The following LRRC43 variants were observed in gnomAD, a reference collection of about 807,000 sequenced individuals.
LRRC43 encodes leucine-rich repeat-containing protein 43.
In LRRC43, 62 loss-of-function variants were observed where a neutral mutation model predicts 64.3. The observed-to-expected ratio is 0.96, with a 90% CI of 0.79 to 1.19. LRRC43 has a LOEUF of 1.19. Ranked by LOEUF, LRRC43 falls within the 50% of genes most tolerant of loss-of-function variation. The probability of loss-of-function intolerance (pLI) is 0.00; values close to 1 mark genes in which losing one functional copy is unlikely to be tolerated. For missense variants in LRRC43, 868 were observed against 845.0 expected (o/e 1.03, Z -0.34); for synonymous variants, 422 against 382.3 (o/e 1.10, Z -1.21).
chr12:122,203,270 C>T, intron 11 of LRRC43, 45 bp from the exon 12 acceptor site: 2 of 1,596,458 alleles, frequency 1.3e-6, no homozygotes, highest in Non-Finnish European at 8.5e-7. Context: ...AGAACGCCAG[C>T]CCATCCGTCT....
chr12:122,199,359 T>C (rs1284981289), intron 7 of LRRC43, among the ~76,000 whole-genome samples: 5 of 143,862 alleles, frequency 3.5e-5, no homozygotes. Context: ...CTCAGCTCAC[T>C]GCAACCTCCA....
At chr12:122,194,566 CA>C (rs558202112) in intron 7 of LRRC43, among the ~76,000 whole-genome samples, 2,367 of 93,660 alleles carry the variant, frequency 0.025, 49 homozygotes, top group African/African-American at 0.075. Flanking sequence ...AGCTCCGTCT[CA>C]AAAAAAAAAA....
chr12:122,176,644 T>G (rs531527495), intron 1 of LRRC43, among the ~76,000 whole-genome samples: 274 of 151,790 alleles, frequency 1.8e-3, no homozygotes, highest in Non-Finnish European at 2.9e-3. Flanking sequence ...ACTTTATTTA[T>G]TAGTAGTAGT....
chr12:122,196,838 A>G (rs1953777331), intron 7 of LRRC43, among the ~76,000 whole-genome samples: 1 of 152,158 alleles, frequency 6.6e-6, no homozygotes, highest in African/African-American at 2.4e-5. Flanking sequence ...TACATATGTT[A>G]ATGTCACAAG....
At chr12:122,172,453 G>A (rs983676068) in intron 1 of LRRC43, 2 of 1,614,164 alleles carry the variant, frequency 1.2e-6, no homozygotes, top group Non-Finnish European at 1.7e-6. Flanking sequence ...AATGATTTTA[G>A]TGCGAGGTCC....
chr12:122,201,286 T>C lies in LRRC43; in HGVS notation c.1810-10T>C, dbSNP rs2136065606. On this transcript the variant is annotated splice_polypyrimidine_tract_variant and intron_variant, in intron 10 of 11. Transcript: ENST00000339777. ...CAGTAAGCATCTCGTTTTGTGGTTC[T>C]TTCTCTCAGGATTCAAAGAAGATTA... 6.2e-7 allele frequency: 1 copy of C among 1,614,016 alleles called. No individual in the cohort carries two copies. Among genetic ancestry groups the C allele is most frequent in the South Asian group, 1.1e-5 (1 of 91,084 alleles).
At chr12:122,177,690 C>T (rs1002469499) in intron 1 of LRRC43, among the ~76,000 whole-genome samples, 5 of 150,842 alleles carry the variant, frequency 3.3e-5, no homozygotes, top group South Asian at 2.1e-4. Context: ...TTTTTTGTAG[C>T]GATGGGATCT....
chr12:122,200,589 G>A lies in LRRC43; in HGVS notation c.1549G>A (p.Gly517Arg), dbSNP rs1593155545. The change falls in exon 9 of 12, where the codon GGA (glycine) becomes AGA (arginine). Residue 517 changes from glycine to arginine, a missense_variant. Gly to Arg is a moderately radical substitution (Grantham distance 125). Transcript: ENST00000339777. The surrounding 1 kb of genome is among the most constrained non-coding windows in gnomAD (Gnocchi z 4.6). ...TGACAGTCCCCTGTCTGCCAAGAAAGGAAAGGGGGAGAAAGACAAGAAAGG... is the reference window on the plus strand; with the variant it reads ...TGACAGTCCCCTGTCTGCCAAGAAAAGAAAGGGGGAGAAAGACAAGAAAGG... ...AVDSPLSAKK[G>R]KGEKDKKGKE... 1 of 1,534,858 alleles carries A rather than the reference G, an allele frequency of 6.5e-7. No individual in the cohort carries two copies. Among genetic ancestry groups the A allele is most frequent in the Non-Finnish European group, 9.0e-7 (1 of 1,108,444 alleles).
chr12:122,190,395 G>C (rs1953703999), intron 5 of LRRC43, 27 bp downstream of exon 5: 1 of 1,580,094 alleles, frequency 6.3e-7, no homozygotes, highest in South Asian at 1.1e-5. Flanking sequence ...GCAGGGAGGG[G>C]GTGGCATGTG....
intron 1 of LRRC43, among the ~76,000 whole-genome samples, chr12:122,173,499 C>G (rs1018932708): frequency 6.6e-6 from 1 of 152,172 alleles, no homozygotes; most frequent in Non-Finnish European, 1.5e-5. Flanking sequence ...GCCTGGCCAA[C>G]GTGGAGAAAC....
At chr12:122,173,564 G>T (rs991688620) in intron 1 of LRRC43, among the ~76,000 whole-genome samples, 22 of 151,940 alleles carry the variant, frequency 1.4e-4, no homozygotes, top group Non-Finnish European at 2.6e-4. Flanking sequence ...CATGCCTGTA[G>T]TCCCAGCTAC....
upstream of LRRC43, among the ~76,000 whole-genome samples, chr12:122,182,817 G>A (rs1382851349): frequency 6.6e-6 from 1 of 152,212 alleles, no homozygotes; most frequent in Non-Finnish European, 1.5e-5. Flanking sequence ...CCACTGGCTG[G>A]TTGGAGTCGA....
chr12:122,183,171 CGAGTCCGAGTCT>C lies in LRRC43; in HGVS notation c.31_42del (p.Ser11_Glu14del). The C allele has an allele frequency of 6.4e-7, 1 of 1,553,784 alleles. No homozygotes were observed. Among genetic ancestry groups the C allele is most frequent in the Non-Finnish European group, 8.6e-7 (1 of 1,156,894 alleles). The stretch of plus-strand genomic sequence containing the variant: ...TGGAGGCGTCGTACGAGTCCGAGTC[CGAGTCCGAGTCT>C]GAGGCCGGGCCTGGGACTCAGCGGC... On this transcript the variant is annotated inframe_deletion, in exon 1 of 12. Transcript: ENST00000339777.
At chr12:122,198,487 T>C (rs956768490) in intron 7 of LRRC43, among the ~76,000 whole-genome samples, 1 of 152,146 alleles carries the variant, frequency 6.6e-6, no homozygotes, top group African/African-American at 2.4e-5. Flanking sequence ...TCTGTCTCTG[T>C]GGATTTGCCT....
rs746323946 is a variant in LRRC43, at chr12:122,184,721, C to A, written c.353C>A (p.Thr118Lys). Residue 118 changes from threonine (T) to lysine (K), a missense_variant, in exon 2 of 12, where the codon ACG (threonine) becomes AAG (lysine). By Grantham distance (78) the Thr-to-Lys change is moderately conservative. Transcript: ENST00000339777. The surrounding 1 kb of genome is among the most constrained non-coding windows in gnomAD (Gnocchi z 4.0). ...GAATTGGCCATCCGGAACCCGCTGA[C>A]GATCACAGACACCTTCTTCTACTCC... ...LRELAIRNPL[T>K]ITDTFFYSYF... 1.9e-6 allele frequency: 3 copies of A among 1,613,618 alleles called. No individual in the cohort carries two copies. Among genetic ancestry groups the A allele is most frequent in the Middle Eastern group, 1.6e-4 (1 of 6,062 alleles).
At chr12:122,171,193 A>G (rs1168589225) in intron 1 of LRRC43, among the ~76,000 whole-genome samples, 1 of 152,188 alleles carries the variant, frequency 6.6e-6, no homozygotes, top group Admixed American at 6.5e-5. Flanking sequence ...GTGAGGCCCA[A>G]CCACTGCCCG....
Position 122,190,264 on chromosome 12 carries a change from A to G in LRRC43, c.797A>G (p.Tyr266Cys), listed in dbSNP as rs747372452. ...AACCCACTGGCCTTGGTGCCCTACT[A>G]CCGCGGCCTCACCATCGACAGCCTG... ...QGNPLALVPYYRGLTIDSLAQ... is the reference protein window; with the variant it reads ...QGNPLALVPYCRGLTIDSLAQ... Residue 266 changes from tyrosine (Y) to cysteine (C), a missense_variant, in exon 5 of 12, where the codon TAC becomes TGC. Tyr to Cys is a radical substitution (Grantham distance 194, BLOSUM62 -2). Transcript: ENST00000339777. 12 of 1,613,988 alleles carry G rather than the reference A, an allele frequency of 7.4e-6. No individual in the cohort carries two copies. Among genetic ancestry groups the G allele is most frequent in the Non-Finnish European group, 1.0e-5 (12 of 1,179,960 alleles).
chr12:122,182,379 G>A (rs554293736), upstream of LRRC43, among the ~76,000 whole-genome samples: 22 of 152,132 alleles, frequency 1.4e-4, no homozygotes, highest in Non-Finnish European at 3.2e-4. Context: ...CACATTAGCG[G>A]GGCGTTGTGG....
At chr12:122,183,074 T>C (rs1953596651), upstream of LRRC43, 1 of 1,495,992 alleles carries the variant, frequency 6.7e-7, no homozygotes, top group Non-Finnish European at 8.9e-7. Context: ...TCGGGGCAGG[T>C]GAGAGCGCCT....
Sources: allele counts gnomAD v4.1 joint callset (sites outside exome capture counted in the v4.1 genomes callset), GRCh38; gene constraint gnomAD v4.1.1; non-coding constraint Gnocchi (gnomAD v3.1); transcripts MANE v1.5; gene names NCBI Gene and HGNC (gene_info 2026-07-23, HGNC 2026-07-21).